Variants in OTOGL observed in about 807,000 individuals in gnomAD.
OTOGL encodes otogelin like.
Under a neutral mutation model 318.5 loss-of-function variants are expected in OTOGL, and 285 were observed. The observed-to-expected ratio is 0.89, with a 90% CI of 0.81 to 0.99. The LOEUF (loss-of-function observed/expected upper bound fraction) is 0.99. OTOGL is among the 50% of genes least tolerant of loss of function. OTOGL has a pLI of 0.00. For missense variants in OTOGL, 2,899 were observed against 2,845.6 expected, an observed-to-expected ratio of 1.02 and a Z score of -0.43; for synonymous variants, 987 against 936.5, an observed-to-expected ratio of 1.05 and a Z score of -0.99.
In OTOGL at chr12:80,256,333, G is replaced by T. The variant is rs373110567; in HGVS notation, c.1588-4G>T. 1.9e-6 allele frequency: 3 copies of T among 1,591,212 alleles called. No individual in the cohort carries two copies. Among genetic ancestry groups the T allele is most frequent in the African/African-American group, 2.7e-5 (2 of 74,432 alleles). On this transcript the variant is annotated splice_polypyrimidine_tract_variant and splice_region_variant and intron_variant, in intron 16 of 58. Coordinates refer to ENST00000547103, the MANE Select transcript of OTOGL (RefSeq NM_001378609.3). The stretch of plus-strand genomic sequence containing the variant: ...CTTGCATTGATAATTTGATTTTTAC[G>T]CAGAATCTTGGCTTGGTCTGCCTTC...
At position 80,323,740 on chromosome 12, in the gene OTOGL, C is replaced by T; in HGVS notation, c.4099C>T (p.Pro1367Ser). ...FSIEEIQAAV[P>S]YRKMCEWRYE... Reference sequence around the variant, plus strand: ...TTTCCCAGAAATCCAGGCAGCAGTGCCTTACAGGAAGATGTGTGAATGGAG... The same window carrying T: ...TTTCCCAGAAATCCAGGCAGCAGTGTCTTACAGGAAGATGTGTGAATGGAG... The change falls in exon 35 of 59, where the codon CCT (proline) becomes TCT (serine). Residue 1367 changes from proline (P) to serine (S), a missense_variant. By Grantham distance (74) the Pro-to-Ser change is moderately conservative (BLOSUM62 -1). Around this residue, in one of 3 missense-constraint regions of OTOGL, gnomAD observed 2,607 missense variants for 2,524.9 expected, o/e 1.03. Coordinates refer to ENST00000547103, the MANE Select transcript of OTOGL (RefSeq NM_001378609.3). The T allele has an allele frequency of 6.2e-7, 1 of 1,613,554 alleles. No individual in the cohort carries two copies. Among genetic ancestry groups the T allele is most frequent in the Non-Finnish European group, 8.5e-7 (1 of 1,179,524 alleles).
In OTOGL at chr12:80,253,592, A is replaced by G. The variant is rs921338167; in HGVS notation, c.1394+18A>G. On this transcript the variant is annotated intron_variant, in intron 14 of 58. Transcript: ENST00000547103. ...ACTGAATGGTATGTGATCAGTGTGC[A>G]GCCAATTATTTCTGGGTACTTGGCT... The G allele has an allele frequency of 6.4e-7, 1 of 1,568,040 alleles. No individual in the cohort carries two copies.
intron 23 of OTOGL, among the ~76,000 whole-genome samples, chr12:80,270,824 A>G (rs1295642539): frequency 6.6e-6 from 1 of 152,144 alleles, no homozygotes; most frequent in Admixed American, 6.6e-5. Context: ...AGAGCCTCAA[A>G]TTCTCAGTTA....
intron 3 of OTOGL, 126 bp downstream of exon 3, chr12:80,211,012 A>G (rs566452863): frequency 3.6e-6 from 2 of 554,030 alleles, no homozygotes; most frequent in East Asian, 3.5e-5. Context: ...AGCATGAAAT[A>G]TACTTTAAAA....
At chr12:80,305,781 T>G in intron 29 of OTOGL, 86 bp downstream of exon 29, 4 of 1,081,514 alleles carry the variant, frequency 3.7e-6, no homozygotes, top group Non-Finnish European at 4.9e-6. Context: ...ATTTAGGTAA[T>G]ATTATTTTAC....
intron 26 of OTOGL, among the ~76,000 whole-genome samples, chr12:80,289,820 A>T (rs1385513427): frequency 6.6e-6 from 1 of 152,146 alleles, no homozygotes; most frequent in Non-Finnish European, 1.5e-5. Context: ...AGTGGTTCTT[A>T]GCTTGCTGGG....
chr12:80,318,196 T>C lies in OTOGL; in HGVS notation c.3635-350T>C, dbSNP rs186376301. Among the ~76,000 whole-genome samples the C allele has an allele frequency of 4.6e-3, 700 of 152,258 alleles. 3 individuals carry two copies. Among genetic ancestry groups the C allele is most frequent in the Middle Eastern group, 6.8e-3 (2 of 294 alleles). On this transcript the variant is annotated intron_variant, in intron 32 of 58. Coordinates refer to ENST00000547103, the MANE Select transcript of OTOGL (RefSeq NM_001378609.3). ...GGAAAAAAGTCTTGCCCTTATATTC[T>C]TTGAATCTTTTTTCTCCTTCTTCAG... is the stretch of plus-strand genomic sequence containing the variant.
At position 80,261,951 on chromosome 12, in the gene OTOGL, A is replaced by G. The variant is rs767358427; in HGVS notation, c.1890-18A>G. 4.4e-6 allele frequency: 7 copies of G among 1,608,268 alleles called. No individual in the cohort carries two copies. In the East Asian group the frequency reaches 1.1e-4, roughly 26 times the overall value. On this transcript the variant is annotated intron_variant, in intron 18 of 58. Coordinates refer to ENST00000547103, the MANE Select transcript of OTOGL (RefSeq NM_001378609.3). The stretch of plus-strand genomic sequence containing the variant: ...GAATGAGAGATACATGAAGATGAGC[A>G]TTGTCTTTGCTTTCTAGTTCTCCAT...
rs376394904 is a variant in OTOGL, at chr12:80,287,014, G to A, written c.2928+7848G>A. Among the ~76,000 whole-genome samples the A allele has an allele frequency of 3.4e-5, 5 of 148,150 alleles. 1 individual carries two copies. The highest frequency in any genetic ancestry group is 1.3e-4 in the African/African-American group (5 of 37,660). ...GTAGATCATTCCCGCCTTCTGATGTGGGCATTTAGATTTATAGGGACATTT... is the reference window on the plus strand; with the variant it reads ...GTAGATCATTCCCGCCTTCTGATGTAGGCATTTAGATTTATAGGGACATTT... On this transcript the variant is annotated intron_variant, in intron 26 of 58. Transcript: ENST00000547103.
At chr12:80,100,463 T>C (rs1161759098) in intron 1 of OTOGL, among the ~76,000 whole-genome samples, 1 of 152,118 alleles carries the variant, frequency 6.6e-6, no homozygotes, top group African/African-American at 2.4e-5. Flanking sequence ...CTATTATGTA[T>C]CCATAATAAT....
rs373638514 is a variant in OTOGL, at chr12:80,261,971, C to A, written c.1892C>A (p.Ser631Tyr). ...FNGNIRDDFL[S>Y]PSGMIEGTPQ... ...TGAGCATTGTCTTTGCTTTCTAGTT[C>A]TCCATCAGGCATGATAGAAGGTACA... Residue 631 changes from serine to tyrosine, a missense_variant and splice_region_variant, in exon 19 of 59, where the codon TCT (serine) becomes TAT (tyrosine). Ser to Tyr is a moderately radical substitution (Grantham distance 144). This residue lies in a region of OTOGL where 2,607 missense variants were observed against 2,524.9 expected (regional missense o/e 1.03). Coordinates refer to ENST00000547103, the MANE Select transcript of OTOGL (RefSeq NM_001378609.3). The A allele has an allele frequency of 2.0e-5, 33 of 1,610,080 alleles. No individual in the cohort carries two copies. Among genetic ancestry groups the A allele is most frequent in the South Asian group, 1.9e-4 (17 of 90,414 alleles).
At chr12:80,179,719 C>T (rs1479812659) in intron 1 of OTOGL, among the ~76,000 whole-genome samples, 2 of 152,192 alleles carry the variant, frequency 1.3e-5, no homozygotes, top group Non-Finnish European at 2.9e-5. Flanking sequence ...GCTTAGATGA[C>T]TGCATGAAGT....
intron 19 of OTOGL, among the ~76,000 whole-genome samples, chr12:80,264,425 C>T (rs1882787956): frequency 6.6e-6 from 1 of 152,118 alleles, no homozygotes; most frequent in Non-Finnish European, 1.5e-5. Context: ...CTTATTCATG[C>T]ATTTATAGAT....
intron 7 of OTOGL, among the ~76,000 whole-genome samples, chr12:80,224,366 T>C (rs1024821883): frequency 6.6e-6 from 1 of 152,176 alleles, no homozygotes; most frequent in Non-Finnish European, 1.5e-5. Context: ...CCTCAAACTT[T>C]GTTCTTTTTG....
chr12:80,192,911 C>T (rs1592533376), intron 1 of OTOGL, among the ~76,000 whole-genome samples: 1 of 151,880 alleles, frequency 6.6e-6, no homozygotes, highest in African/African-American at 2.4e-5. Context: ...GGTTACTACT[C>T]AGATAATCTT....
At chr12:80,370,819 T>TA (rs1890837312) in intron 56 of OTOGL, 130 bp downstream of exon 56, 10 of 668,988 alleles carry the variant, frequency 1.5e-5, no homozygotes, top group Non-Finnish European at 2.2e-5. Flanking sequence ...CATGAATGAA[T>TA]AAAAGCTCTG....
At chr12:80,153,098 C>A (rs145099030) in intron 1 of OTOGL, among the ~76,000 whole-genome samples, 84 of 152,124 alleles carry the variant, frequency 5.5e-4, no homozygotes, top group African/African-American at 1.9e-3. Context: ...CCATATATTC[C>A]CTGTATTAAC....
intron 16 of OTOGL, among the ~76,000 whole-genome samples, chr12:80,256,038 C>T (rs890563529): frequency 6.6e-6 from 1 of 151,806 alleles, no homozygotes; most frequent in African/African-American, 2.4e-5. Flanking sequence ...TACTGAAAGA[C>T]TTTAATGTTC....
Position 80,252,168 on chromosome 12 carries a change from C to A in OTOGL, c.1252C>A (p.Leu418Ile). The A allele has an allele frequency of 6.3e-7, 1 of 1,595,436 alleles. No homozygotes were observed. Among genetic ancestry groups the A allele is most frequent in the Non-Finnish European group, 8.5e-7 (1 of 1,169,686 alleles). The change falls in exon 13 of 59, where the codon CTC becomes ATC. Residue 418 changes from leucine to isoleucine, a missense_variant. Physicochemically the swap from Leu to Ile is conservative, Grantham distance 5. Around this residue, in one of 3 missense-constraint regions of OTOGL, gnomAD observed 2,607 missense variants for 2,524.9 expected, o/e 1.03. Coordinates refer to ENST00000547103, the MANE Select transcript of OTOGL (RefSeq NM_001378609.3). ...TGAGAAGCAATGTCTTGGGAGCAAT[C>A]TCCATTGTCTTGATGGATGTTACTG... ...TFEKQCLGSN[L>I]HCLDGCYCPD...
Sources: allele counts gnomAD v4.1 joint callset (sites outside exome capture counted in the v4.1 genomes callset), GRCh38; gene constraint gnomAD v4.1.1; regional missense constraint gnomAD v4.1.1; transcripts MANE v1.5; gene names NCBI Gene and HGNC (gene_info 2026-07-23, HGNC 2026-07-21).